Variants in CRK observed in about 807,000 individuals in gnomAD.
The protein encoded by CRK is CRK proto-oncogene, adaptor protein.
CRK carries 4 observed loss-of-function variants against 29.8 expected under a neutral mutation model. The ratio of observed to expected loss-of-function variants is 0.13; its 90% CI spans 0.07 to 0.31. The LOEUF is 0.31. CRK is among the 10% of genes least tolerant of loss of function. The pLI, the probability that CRK is intolerant of heterozygous loss-of-function variation, is 1.00. For missense variants in CRK, 274 were observed against 396.5 expected (o/e 0.69, Z 2.62); for synonymous variants, 153 against 164.9 (o/e 0.93, Z 0.55).
At chr17:1,439,112 C>A (rs562858508) in intron 1 of CRK, among the ~76,000 whole-genome samples, 10 of 152,014 alleles carry the variant, frequency 6.6e-5, no homozygotes, top group Middle Eastern at 6.9e-3. Context: ...GTGTGGGACA[C>A]CACGACGGAG....
rs746615632 is a variant in CRK, at chr17:1,423,648, G to A, written c.780C>T (p.Val260=). ...TCTTCGTAACCTTTACCAGCTCACCGACCTGCAGGAGGAGAATAAGGAGAG... is the reference window on the plus strand; with the variant it reads ...TCTTCGTAACCTTTACCAGCTCACCAACCTGCAGGAGGAGAATAAGGAGAG... ...AYDKTALALE[V]GELVKVTKIN... is the part of the protein sequence containing the mutation. The change falls in exon 3 of 3, where the codon GTC becomes GTT. Residue 260 remains valine, a splice_region_variant and synonymous_variant. Coordinates refer to ENST00000300574, the MANE Select transcript of CRK (RefSeq NM_016823.4). The A allele has an allele frequency of 4.3e-6, 7 of 1,613,764 alleles. No individual in the cohort carries two copies. The Admixed American group carries it at 5.0e-5, about 12-fold the overall frequency.
At chr17:1,430,814 T>C (rs1204612521) in intron 2 of CRK, among the ~76,000 whole-genome samples, 2 of 149,712 alleles carry the variant, frequency 1.3e-5, no homozygotes, top group Admixed American at 6.7e-5. Flanking sequence ...ATGCCTGTAA[T>C]CCCAGCACTT....
At chr17:1,439,970 C>A (rs771798017) in intron 1 of CRK, among the ~76,000 whole-genome samples, 5 of 152,100 alleles carry the variant, frequency 3.3e-5, no homozygotes, top group African/African-American at 4.8e-5. Flanking sequence ...GTAGGCAACA[C>A]AGCCAAGACC....
At chr17:1,442,511 CTAT>C (rs1186896323) in intron 1 of CRK, among the ~76,000 whole-genome samples, 1 of 151,132 alleles carries the variant, frequency 6.6e-6, no homozygotes, top group Admixed American at 6.6e-5. Flanking sequence ...TGCATCCAGC[CTAT>C]TATTAATTTT....
chr17:1,431,174 TATG>T lies in CRK; in HGVS notation c.777+5443_777+5445del, dbSNP rs2073841887. On this transcript the variant is annotated intron_variant, in intron 2 of 2. Transcript: ENST00000300574. ...AATGCTCCTGAGGTCCCAAAGGCAC[TATG>T]ATGATATTTAGAGACCAGGTCTTCC... Among the ~76,000 whole-genome samples the T allele has an allele frequency of 3.9e-5, 6 of 152,306 alleles. No individual in the cohort carries two copies. The South Asian group carries it at 1.2e-3, about 32-fold the overall frequency.
intron 2 of CRK, among the ~76,000 whole-genome samples, chr17:1,435,528 T>C (rs188669941): frequency 4.0e-5 from 6 of 151,500 alleles, no homozygotes; most frequent in African/African-American, 1.2e-4. Flanking sequence ...CCATGCCAGA[T>C]GTTACCGTCA....
intron 2 of CRK, among the ~76,000 whole-genome samples, chr17:1,427,174 C>CCAGTTACT (rs897698055): frequency 4.0e-5 from 6 of 149,866 alleles, no homozygotes; most frequent in African/African-American, 1.2e-4. Context: ...ACCTGTAGTT[C>CCAGTTACT]CAGTTACTCA....
At position 1,421,896 on chromosome 17, in the gene CRK, G is replaced by C. The variant is rs902771952; in HGVS notation, c.*1617C>G. ...CCAGAGACCGGTAAGTGCCTTTATAGACTGAGAACTAACGTGGAAGTTTCA... is the reference window on the plus strand; with the variant it reads ...CCAGAGACCGGTAAGTGCCTTTATACACTGAGAACTAACGTGGAAGTTTCA... On this transcript the variant is annotated 3_prime_UTR_variant, in exon 3 of 3. Coordinates refer to ENST00000300574, the MANE Select transcript of CRK (RefSeq NM_016823.4). 1 of 152,162 alleles carries C rather than the reference G, an allele frequency of 6.6e-6. No individual in the cohort carries two copies. Among genetic ancestry groups the C allele is most frequent in the African/African-American group, 2.4e-5 (1 of 41,454 alleles). 9.4% of individuals were successfully genotyped at this position (152,162 alleles called of 1,614,324 possible).
intron 1 of CRK, among the ~76,000 whole-genome samples, chr17:1,450,644 G>A (rs1039173137): frequency 8.0e-5 from 12 of 150,308 alleles, no homozygotes; most frequent in Admixed American, 4.6e-4. Flanking sequence ...GCACTTTGGG[G>A]AAGCCGAGGC....
intron 1 of CRK, among the ~76,000 whole-genome samples, chr17:1,454,923 G>A (rs2074044699): frequency 6.6e-6 from 1 of 152,174 alleles, no homozygotes; most frequent in Non-Finnish European, 1.5e-5. Context: ...CCCAGCGCAG[G>A]TAATTTATGT....
Position 1,455,914 on chromosome 17 carries a change from G to A in CRK, c.204C>T (p.Arg68=), listed in dbSNP as rs61762263. The A allele has an allele frequency of 6.3e-7, 1 of 1,583,354 alleles. No individual in the cohort carries two copies. Among genetic ancestry groups the A allele is most frequent in the Middle Eastern group, 1.7e-4 (1 of 5,980 alleles). ...SHYIINSSGP[R]PPVPPSPAQP... is the part of the protein sequence containing the mutation. ...GGGCGGGCGACGGTGGCACCGGCGG[G>A]CGCGGGCCGCTGCTGTTGATGATGT... The change falls in exon 1 of 3, where the codon CGC becomes CGT. Residue 68 remains arginine (R), a synonymous_variant. Coordinates refer to ENST00000300574, the MANE Select transcript of CRK (RefSeq NM_016823.4).
In CRK at chr17:1,456,090, G is replaced by C. The variant is rs1281300310; in HGVS notation, c.28C>G (p.Arg10Gly). The C allele has an allele frequency of 6.4e-7, 1 of 1,560,342 alleles. No homozygotes were observed. The highest frequency in any genetic ancestry group is 8.6e-7 in the Non-Finnish European group (1 of 1,156,802). Residue 10 changes from arginine (R) to glycine (G), a missense_variant, in exon 1 of 3, where the codon CGG (arginine) becomes GGG (glycine). Around this residue, in one of 3 missense-constraint regions of CRK, gnomAD observed 135 missense variants for 180.9 expected, o/e 0.75. Transcript: ENST00000300574. ...AACCTCCCCCAGTACCAGCTACTCC[G>C]CTCCTCCGAGTCGAAGTTGCCCGCC... Reference protein sequence around the residue: MAGNFDSEERSSWYWGRLSR... With the variant: MAGNFDSEEGSSWYWGRLSR...
Position 1,428,118 on chromosome 17 carries a change from CTTTTTT to C in CRK, c.778-4474_778-4469del, listed in dbSNP as rs55649851. The stretch of plus-strand genomic sequence containing the variant: ...GTGCCTCCAGATCTTTTCTTTCAGA[CTTTTTT>C]TTTTTTTTTTTTAATGGAGTTTTTG... On this transcript the variant is annotated intron_variant, in intron 2 of 2. Transcript: ENST00000300574. Among the ~76,000 whole-genome samples, 822 of 135,860 alleles carry C rather than the reference CTTTTTT, an allele frequency of 6.1e-3. 5 individuals are homozygous for C. Among genetic ancestry groups the C allele is most frequent in the African/African-American group, 0.021 (751 of 36,202 alleles). The allele number at this position is 135,860 out of a possible 152,430, so 89.1% of individuals were successfully genotyped here.
chr17:1,446,456 G>C (rs911974055), intron 1 of CRK, among the ~76,000 whole-genome samples: 3 of 152,132 alleles, frequency 2.0e-5, no homozygotes, highest in Non-Finnish European at 4.4e-5. Flanking sequence ...AAGAACAAAT[G>C]AGACTACTAA....
chr17:1,438,741 T>C (rs896588098), intron 1 of CRK, among the ~76,000 whole-genome samples: 1 of 152,150 alleles, frequency 6.6e-6, no homozygotes, highest in African/African-American at 2.4e-5. Context: ...CTACATACCA[T>C]AGTTCAGAAT....
chr17:1,437,802 C>T (rs1389808959), intron 1 of CRK, among the ~76,000 whole-genome samples: 1 of 151,506 alleles, frequency 6.6e-6, no homozygotes, highest in Non-Finnish European at 1.5e-5. Flanking sequence ...TACAGGCTCC[C>T]ACCACCATGA....
At chr17:1,424,067 GTTT>G (rs58338503) in intron 2 of CRK, among the ~76,000 whole-genome samples, 7 of 109,836 alleles carry the variant, frequency 6.4e-5, no homozygotes, top group Non-Finnish European at 1.1e-4. Flanking sequence ...AGCTTTCTCC[GTTT>G]TTTTTTTTTT....
At chr17:1,446,665 C>A (rs1303739354) in intron 1 of CRK, among the ~76,000 whole-genome samples, 3 of 147,730 alleles carry the variant, frequency 2.0e-5, no homozygotes, top group African/African-American at 5.0e-5. Flanking sequence ...CATCTCGGCT[C>A]ACTGCAAGCT....
At chr17:1,434,881 T>C (rs1377156110) in intron 2 of CRK, among the ~76,000 whole-genome samples, 1 of 151,498 alleles carries the variant, frequency 6.6e-6, no homozygotes, top group African/African-American at 2.4e-5. Flanking sequence ...TCTACTCAAA[T>C]CTTTATTTAA....
Sources: allele counts gnomAD v4.1 joint callset (sites outside exome capture counted in the v4.1 genomes callset), GRCh38; gene constraint gnomAD v4.1.1; regional missense constraint gnomAD v4.1.1; transcripts MANE v1.5; gene names NCBI Gene and HGNC (gene_info 2026-07-23, HGNC 2026-07-21).